The following GTF2E1 variants were observed in gnomAD, a reference collection of about 807,000 sequenced individuals.
GTF2E1 encodes general transcription factor IIE subunit 1.
In GTF2E1, 14 loss-of-function variants were observed where a neutral mutation model predicts 34.9. The observed-to-expected ratio is 0.40, with a 90% CI of 0.27 to 0.63. The LOEUF is 0.63. Among genes scored for constraint, GTF2E1 ranks in the 20% least tolerant of loss-of-function variants. The probability of loss-of-function intolerance (pLI) is 0.39; values close to 1 mark genes in which losing one functional copy is unlikely to be tolerated. For synonymous variants in GTF2E1, 188 were observed against 192.9 expected (o/e 0.97, Z 0.21); for missense variants, 469 against 557.7 (o/e 0.84, Z 1.60).
chr3:120,757,486 A>G (rs992533303), intron 2 of GTF2E1, among the ~76,000 whole-genome samples: 10 of 152,138 alleles, frequency 6.6e-5, no homozygotes, highest in Non-Finnish European at 1.3e-4. Context: ...TTTTTATAAG[A>G]TGATTTTTCA....
intron 3 of GTF2E1, among the ~76,000 whole-genome samples, chr3:120,775,729 G>C (rs1709393359): frequency 6.6e-6 from 1 of 152,190 alleles, no homozygotes; most frequent in African/African-American, 2.4e-5. Flanking sequence ...AAATAAAATA[G>C]ACTGAGAAAA....
intron 2 of GTF2E1, among the ~76,000 whole-genome samples, chr3:120,763,472 A>G (rs1177718820): frequency 5.3e-5 from 8 of 152,220 alleles, no homozygotes; most frequent in South Asian, 2.1e-4. Flanking sequence ...CCTAACCTAT[A>G]TGGTGGTTGG....
chr3:120,771,129 G>A (rs372373760), intron 3 of GTF2E1, among the ~76,000 whole-genome samples, 200 bp downstream of exon 3: 1 of 152,094 alleles, frequency 6.6e-6, no homozygotes, highest in Non-Finnish European at 1.5e-5. Flanking sequence ...GCAGAACACT[G>A]TGGACTTCAG....
intron 4 of GTF2E1, among the ~76,000 whole-genome samples, chr3:120,778,726 T>C (rs1466722787): frequency 6.6e-6 from 1 of 152,188 alleles, no homozygotes; most frequent in Non-Finnish European, 1.5e-5. Context: ...GAGATTTTGT[T>C]TGTTGCTTTG....
Position 120,781,143 on chromosome 3 carries a change from G to A in GTF2E1, c.993G>A (p.Lys331=), listed in dbSNP as rs773048813. Residue 331 remains lysine, a synonymous_variant, in exon 5 of 5, where the codon AAG becomes AAA. Transcript: ENST00000283875. ...VMRALLIHEK[K]TSSAMAGSVG... is the part of the protein sequence containing the mutation. The stretch of plus-strand genomic sequence containing the variant: ...GAGCACTGCTCATTCACGAGAAAAA[G>A]ACTTCCTCTGCCATGGCTGGTTCAG... 21 of 1,614,122 alleles carry A rather than the reference G, an allele frequency of 1.3e-5. No homozygotes were observed. The highest frequency in any genetic ancestry group is 1.8e-5 in the Non-Finnish European group (21 of 1,180,012).
intron 2 of GTF2E1, among the ~76,000 whole-genome samples, chr3:120,753,551 C>G (rs1709183462): frequency 6.6e-6 from 1 of 152,114 alleles, no homozygotes; most frequent in Non-Finnish European, 1.5e-5. Context: ...GATTTGAAGC[C>G]TGCTAGATTT....
chr3:120,780,476 T>A (rs1168057798), intron 4 of GTF2E1, among the ~76,000 whole-genome samples: 7 of 152,118 alleles, frequency 4.6e-5, no homozygotes, highest in Admixed American at 4.6e-4. Flanking sequence ...GTGTCTGATA[T>A]GTACAAGGAA....
At chr3:120,745,552 G>A (rs560601363) in intron 1 of GTF2E1, among the ~76,000 whole-genome samples, 5 of 152,274 alleles carry the variant, frequency 3.3e-5, no homozygotes, top group Non-Finnish European at 5.9e-5. Context: ...TAGGAGTGGG[G>A]CCCAGGATCA....
At chr3:120,755,930 A>C (rs1331630959) in intron 2 of GTF2E1, among the ~76,000 whole-genome samples, 1 of 152,180 alleles carries the variant, frequency 6.6e-6, no homozygotes, top group Non-Finnish European at 1.5e-5. Context: ...CTATGTTGCA[A>C]ATGACTGAAT....
At chr3:120,780,649 T>C (rs761993652) in intron 4 of GTF2E1, among the ~76,000 whole-genome samples, 84 of 152,348 alleles carry the variant, frequency 5.5e-4, no homozygotes, top group Admixed American at 2.0e-3. Context: ...TTTTCTGTTA[T>C]GCCAGCTACT....
intron 2 of GTF2E1, among the ~76,000 whole-genome samples, chr3:120,761,786 A>ATTTTTT: frequency 8.3e-6 from 1 of 120,136 alleles, no homozygotes; most frequent in Non-Finnish European, 1.7e-5. Flanking sequence ...TCTGAGAGAC[A>ATTTTTT]TTTTTTTTTT....
chr3:120,748,491 C>G (rs1162339920), intron 1 of GTF2E1, among the ~76,000 whole-genome samples: 1 of 152,176 alleles, frequency 6.6e-6, no homozygotes, highest in African/African-American at 2.4e-5. Flanking sequence ...TTCCCAGCAC[C>G]ATTTATTAAA....
intron 1 of GTF2E1, among the ~76,000 whole-genome samples, chr3:120,743,448 A>G (rs1709075895): frequency 1.3e-5 from 2 of 152,202 alleles, no homozygotes; most frequent in Non-Finnish European, 2.9e-5. Context: ...AAGATGAGCC[A>G]TGTTGGAACA....
Position 120,771,050 on chromosome 3 carries a change from G to A in GTF2E1, c.650+121G>A, listed in dbSNP as rs755951774. ...AGGAGACTCAAGACTGTAATGTTACGTAGGTTCTCAGTTGTGCCACATTTG... is the reference window on the plus strand; with the variant it reads ...AGGAGACTCAAGACTGTAATGTTACATAGGTTCTCAGTTGTGCCACATTTG... On this transcript the variant is annotated intron_variant, in intron 3 of 4. Coordinates refer to ENST00000283875, the MANE Select transcript of GTF2E1 (RefSeq NM_005513.3). 61 of 802,292 alleles carry A rather than the reference G, an allele frequency of 7.6e-5. 1 individual carries two copies. The highest frequency in any genetic ancestry group is 1.5e-4 in the African/African-American group (9 of 58,878). The allele number at this position is 802,292 out of a possible 1,614,324, so 49.7% of individuals were successfully genotyped here.
intron 1 of GTF2E1, chr3:120,749,614 A>T (rs1030850843): frequency 7.2e-5 from 11 of 152,216 alleles, no homozygotes; most frequent in Non-Finnish European, 1.6e-4. Context: ...CCACTTGATC[A>T]TGGTGGATAA....
chr3:120,781,927 GA>G lies in GTF2E1; in HGVS notation c.*458del. ...GGCAGGGTTTCACCATGTTAGCCAG[GA>G]TGATCTCGATCTCCTGACCTCATGA... is the stretch of plus-strand genomic sequence containing the variant. On this transcript the variant is annotated 3_prime_UTR_variant, in exon 5 of 5. Coordinates refer to ENST00000283875, the MANE Select transcript of GTF2E1 (RefSeq NM_005513.3). 1 of 156,048 alleles carries G rather than the reference GA, an allele frequency of 6.4e-6. No individual in the cohort carries two copies. Among genetic ancestry groups the G allele is most frequent in the East Asian group, 1.9e-4 (1 of 5,290 alleles). The allele number at this position is 156,048 out of a possible 1,614,324, so 9.7% of individuals were successfully genotyped here. A position where few individuals can be genotyped will look rare whatever the true frequency, so the allele number is the denominator to read the frequency against.
At chr3:120,769,339 T>G (rs1709333953) in intron 2 of GTF2E1, among the ~76,000 whole-genome samples, 1 of 152,168 alleles carries the variant, frequency 6.6e-6, no homozygotes, top group South Asian at 2.1e-4. Flanking sequence ...AAAGTTAGGT[T>G]TATTGATGCT....
chr3:120,781,183 C>G lies in GTF2E1; in HGVS notation c.1033C>G (p.Pro345Ala), dbSNP rs1478516999. 1.2e-6 allele frequency: 2 copies of G among 1,613,976 alleles called. No individual in the cohort carries two copies. The highest frequency in any genetic ancestry group is 1.3e-5 in the African/African-American group (1 of 74,912). The change falls in exon 5 of 5, where the codon CCA (proline) becomes GCA (alanine). Residue 345 changes from proline to alanine, a missense_variant. By Grantham distance (27) the Pro-to-Ala change is conservative. Coordinates refer to ENST00000283875, the MANE Select transcript of GTF2E1 (RefSeq NM_005513.3). ...GGCTGGTTCAGTGGGGGCAGCTGCT[C>G]CAGTGACCGCTGCCAATGGCAGTGA... The part of the protein sequence containing the change: ...AMAGSVGAAA[P>A]VTAANGSDSE...
intron 1 of GTF2E1, among the ~76,000 whole-genome samples, chr3:120,748,606 CTA>C (rs1276863875): frequency 6.6e-6 from 1 of 152,142 alleles, no homozygotes; most frequent in East Asian, 1.9e-4. Context: ...TTCCATTGGT[CTA>C]TATCTCTGTT....
Sources: allele counts gnomAD v4.1 joint callset (sites outside exome capture counted in the v4.1 genomes callset), GRCh38; gene constraint gnomAD v4.1.1; transcripts MANE v1.5; gene names NCBI Gene and HGNC (gene_info 2026-07-23, HGNC 2026-07-21).